The following DNAJC9 variants were observed in gnomAD, a reference collection of about 807,000 sequenced individuals.
The protein encoded by DNAJC9 is DnaJ heat shock protein family (Hsp40) member C9.
In DNAJC9, 18 loss-of-function variants were observed where a neutral mutation model predicts 32.4. The ratio of observed to expected loss-of-function variants is 0.56; its 90% CI spans 0.38 to 0.82. DNAJC9 has a LOEUF of 0.82. DNAJC9 is among the 40% of genes least tolerant of loss of function. The pLI is 0.00. For missense variants in DNAJC9, 310 were observed against 321.8 expected (o/e 0.96, Z 0.28); for synonymous variants, 113 against 122.1 (o/e 0.93, Z 0.49).
In DNAJC9 at chr10:73,246,752, T is replaced by G; in HGVS notation, c.257A>C (p.Glu86Ala). ...GTCTTGGGTGAGCACAGGAGAGTCCTCGTCCACTGTTCCCTGCTCATCGTA... is the reference window on the plus strand; with the variant it reads ...GTCTTGGGTGAGCACAGGAGAGTCCGCGTCCACTGTTCCCTGCTCATCGTA... Reference protein sequence around the residue: ...AVYDEQGTVDEDSPVLTQDRD... With the variant: ...AVYDEQGTVDADSPVLTQDRD... The change falls in exon 2 of 5, where the codon GAG becomes GCG. Residue 86 changes from glutamate to alanine, a missense_variant. Physicochemically the swap from Glu to Ala is moderately radical, Grantham distance 107. Transcript: ENST00000372950. 6.2e-7 allele frequency: 1 copy of G among 1,614,108 alleles called. No individual in the cohort carries two copies. The highest frequency in any genetic ancestry group is 8.5e-7 in the Non-Finnish European group (1 of 1,179,988).
At chr10:73,235,568 ACAAG>A (rs1037837521), downstream of DNAJC9, 35 of 700,570 alleles carry the variant, frequency 5.0e-5, no homozygotes, top group Non-Finnish European at 7.2e-5. Context: ...ATGTCTGACC[ACAAG>A]CAAGAATATT....
downstream of DNAJC9, among the ~76,000 whole-genome samples, chr10:73,240,528 T>A (rs138598914): frequency 6.6e-6 from 1 of 152,102 alleles, no homozygotes; most frequent in East Asian, 1.9e-4. Context: ...CTGGCTAACA[T>A]GGTGAAACCC....
At position 73,245,937 on chromosome 10, in the gene DNAJC9, A is replaced by T. The variant is rs927810175; in HGVS notation, c.561T>A (p.Asn187Lys). 1.2e-6 allele frequency: 2 copies of T among 1,611,130 alleles called. No individual in the cohort carries two copies. The highest frequency in any genetic ancestry group is 2.7e-5 in the African/African-American group (2 of 74,726). Residue 187 changes from asparagine (N) to lysine (K), a missense_variant, in exon 3 of 5, where the codon AAT becomes AAA. Asn to Lys is a moderately conservative substitution (Grantham distance 94). Coordinates refer to ENST00000372950, the MANE Select transcript of DNAJC9 (RefSeq NM_015190.5). ...AFVKESKQKM[N>K]ARKRRAQEEA... ...AAAATCTTACCCTCCTTTTCCTTGC[A>T]TTCATCTTTTGTTTCGATTCTTTGA...
chr10:73,247,156 C>T lies in DNAJC9; in HGVS notation c.34G>A (p.Gly12Ser). The change falls in exon 1 of 5, where the codon GGC (glycine) becomes AGC (serine). Residue 12 changes from glycine (G) to serine (S), a missense_variant. Coordinates refer to ENST00000372950, the MANE Select transcript of DNAJC9 (RefSeq NM_015190.5). ...AGCACCCGGTAAAGGTCGGCGGTGC[C>T]GAACACTTCCTCGCAAAGGTCCAGC... ...GLLDLCEEVF[G>S]TADLYRVLGV... The T allele has an allele frequency of 6.3e-7, 1 of 1,596,994 alleles. No individual in the cohort carries two copies. The highest frequency in any genetic ancestry group is 1.1e-5 in the South Asian group (1 of 88,580).
chr10:73,237,542 C>A (rs1446727378), downstream of DNAJC9, among the ~76,000 whole-genome samples: 1 of 151,980 alleles, frequency 6.6e-6, no homozygotes, highest in Non-Finnish European at 1.5e-5. Flanking sequence ...GCCTCAGCCT[C>A]CTGAGTAGCT....
chr10:73,235,224 G>A, downstream of DNAJC9: 1 of 1,551,728 alleles, frequency 6.4e-7, no homozygotes, highest in Non-Finnish European at 8.7e-7. Context: ...CGAGCTCAAA[G>A]TGCGGTGGTG....
chr10:73,240,751 C>T (rs779176341), downstream of DNAJC9, among the ~76,000 whole-genome samples: 11 of 151,270 alleles, frequency 7.3e-5, no homozygotes, highest in Non-Finnish European at 1.5e-4. Flanking sequence ...ACTTATGTAA[C>T]ACTGAAGTGG....
downstream of DNAJC9, among the ~76,000 whole-genome samples, chr10:73,239,674 A>C (rs1385318374): frequency 2.0e-5 from 3 of 151,926 alleles, no homozygotes; most frequent in Non-Finnish European, 2.9e-5. Context: ...TTTAAATCTA[A>C]AAAGTTCAAC....
chr10:73,239,408 AT>A (rs2133417569), downstream of DNAJC9: 1 of 1,529,782 alleles, frequency 6.5e-7, no homozygotes, highest in African/African-American at 1.4e-5. Context: ...CATGGCCCTT[AT>A]TTACTACTGT....
rs779138859 is a variant in DNAJC9, at chr10:73,246,991, G to A, written c.180+19C>T. 7 of 1,551,024 alleles carry A rather than the reference G, an allele frequency of 4.5e-6. No individual in the cohort carries two copies. Among genetic ancestry groups the A allele is most frequent in the Admixed American group, 1.9e-5 (1 of 52,446 alleles). ...GAGGCCCGCGCAGCCGGTCGGCTTC[G>A]GGGCGGGACCCTGCATACCTGGAAG... On this transcript the variant is annotated intron_variant, in intron 1 of 4. Transcript: ENST00000372950.
rs1410252478 is a variant in DNAJC9, at chr10:73,243,521, T to C, written c.664-2A>G. 2.5e-6 allele frequency: 4 copies of C among 1,614,136 alleles called. No homozygotes were observed. The highest frequency in any genetic ancestry group is 1.7e-5 in the Admixed American group (1 of 60,000). ...CTTTTGCCGATCCTTTTGTCTGCTC[T>C]GTTTGAGAAGTTAAAACACAAGCTT... On this transcript the variant is annotated splice_acceptor_variant, in intron 4 of 4. Coordinates refer to ENST00000372950, the MANE Select transcript of DNAJC9 (RefSeq NM_015190.5). LOFTEE classifies it high-confidence loss of function.
chr10:73,241,033 AATCT>A (rs2043940486), downstream of DNAJC9: 1 of 1,442,532 alleles, frequency 6.9e-7, no homozygotes, highest in African/African-American at 1.5e-5. Flanking sequence ...AAATGAGAAG[AATCT>A]ATCAGGCTGC....
chr10:73,239,031 A>T (rs1017187283), downstream of DNAJC9: 3 of 298,280 alleles, frequency 1.0e-5, no homozygotes, highest in South Asian at 2.4e-4. Flanking sequence ...GAACTAACTG[A>T]AATATTAAAC....
downstream of DNAJC9, among the ~76,000 whole-genome samples, chr10:73,238,335 A>G (rs1283420583): frequency 6.6e-6 from 1 of 152,202 alleles, no homozygotes; most frequent in Non-Finnish European, 1.5e-5. Flanking sequence ...CGACAGAGCG[A>G]GAAGACTCTG....
At chr10:73,245,580 G>A (rs1283793383) in intron 3 of DNAJC9, among the ~76,000 whole-genome samples, 1 of 152,188 alleles carries the variant, frequency 6.6e-6, no homozygotes, top group Non-Finnish European at 1.5e-5. Context: ...AACCGAGTAA[G>A]GATCACTGCC....
intron 3 of DNAJC9, 128 bp downstream of exon 3, chr10:73,245,794 G>T: frequency 8.4e-7 from 1 of 1,192,106 alleles, no homozygotes; most frequent in Non-Finnish European, 1.2e-6. Context: ...TTATTAGATC[G>T]AAACTATAGA....
Position 73,242,528 on chromosome 10 carries a change from A to C in DNAJC9, c.*872T>G, listed in dbSNP as rs2043966459. ...AACCAAAAAACTGGACATGTTTAAT[A>C]CATACAGTTTGACAAATTTGGATTT... On this transcript the variant is annotated 3_prime_UTR_variant, in exon 5 of 5. Transcript: ENST00000372950. 6.6e-6 allele frequency: 1 copy of C among 152,050 alleles called. No individual in the cohort carries two copies. Among genetic ancestry groups the C allele is most frequent in the South Asian group, 2.1e-4 (1 of 4,806 alleles). 9.4% of individuals were successfully genotyped at this position (152,050 alleles called of 1,614,324 possible). A position where few individuals can be genotyped will look rare whatever the true frequency, so the allele number is the denominator to read the frequency against.
chr10:73,239,399 A>G (rs1341649379), downstream of DNAJC9: 5 of 1,546,766 alleles, frequency 3.2e-6, no homozygotes, highest in Non-Finnish European at 4.4e-6. Context: ...AGGTGGGGCC[A>G]TGGCCCTTAT....
Position 73,243,796 on chromosome 10 carries a change from G to T in DNAJC9, c.663+47C>A, listed in dbSNP as rs2043978676. ...CAACATTCCAAAGAAAATATTAGCA[G>T]TAGGAATCAGATCATTAAAGATGTG... On this transcript the variant is annotated intron_variant, in intron 4 of 4. Coordinates refer to ENST00000372950, the MANE Select transcript of DNAJC9 (RefSeq NM_015190.5). 6.0e-6 allele frequency: 9 copies of T among 1,495,304 alleles called. No homozygotes were observed. In the East Asian group the frequency reaches 2.0e-4, roughly 34 times the overall value. 92.6% of individuals were successfully genotyped at this position (1,495,304 alleles called of 1,614,324 possible).
Sources: allele counts gnomAD v4.1 joint callset (sites outside exome capture counted in the v4.1 genomes callset), GRCh38; gene constraint gnomAD v4.1.1; transcripts MANE v1.5; gene names NCBI Gene and HGNC (gene_info 2026-07-23, HGNC 2026-07-21).